Variants in NFIX observed in about 807,000 individuals in gnomAD.
The protein encoded by NFIX is nuclear factor 1 X-type.
In NFIX, 2 loss-of-function variants were observed where a neutral mutation model predicts 53.3. The observed-to-expected ratio is 0.04, with a 90% CI of 0.02 to 0.12. The LOEUF (loss-of-function observed/expected upper bound fraction) is 0.12. Ranked by LOEUF, NFIX falls within the 10% of genes least tolerant of loss-of-function variation. The pLI, the probability that NFIX is intolerant of heterozygous loss-of-function variation, is 1.00. For synonymous variants in NFIX, 244 were observed against 289.0 expected, an observed-to-expected ratio of 0.84 and a Z score of 1.58; for missense variants, 310 against 674.5, an observed-to-expected ratio of 0.46 and a Z score of 5.99.
intron 2 of NFIX, among the ~76,000 whole-genome samples, chr19:13,029,342 T>A (rs1014814878): frequency 2.6e-5 from 4 of 152,206 alleles, no homozygotes; most frequent in Admixed American, 6.5e-5. Context: ...TTTTTTAGTA[T>A]CATCAGATAC....
At chr19:13,024,605 C>T (rs1272549267) in intron 1 of NFIX, 2 of 1,536,210 alleles carry the variant, frequency 1.3e-6, no homozygotes, top group South Asian at 2.4e-5. Context: ...CCGGGGCGAG[C>T]TGACAGGAGT....
Position 13,006,065 on chromosome 19 carries a change from CTGCAAAGA to C in NFIX, c.27+10205_27+10212del, listed in dbSNP as rs1309914886. Among the ~76,000 whole-genome samples, 45 of 152,214 alleles carry C rather than the reference CTGCAAAGA, an allele frequency of 3.0e-4. No individual in the cohort carries two copies. The highest frequency in any genetic ancestry group is 2.9e-3 in the Admixed American group (45 of 15,278). ...CCGGGGGCTCGGCAGGGAGCAAAATCTGCAAAGATGCCAGCCCCGGTGGGAGGGCAGAC... is the reference window on the plus strand; with the variant it reads ...CCGGGGGCTCGGCAGGGAGCAAAATCTGCCAGCCCCGGTGGGAGGGCAGAC... On this transcript the variant is annotated intron_variant, in intron 1 of 10. Transcript: ENST00000592199. This position sits in a 1 kb window ranked among gnomAD's most constrained non-coding sequence, Gnocchi z 5.6.
At chr19:13,017,681 G>GGTGA (rs1225170574) in intron 1 of NFIX, among the ~76,000 whole-genome samples, 1 of 152,202 alleles carries the variant, frequency 6.6e-6, no homozygotes, top group Non-Finnish European at 1.5e-5. Context: ...TGGTGCCTGG[G>GGTGA]GTGAGTTTTC....
chr19:13,014,224 CG>C lies in NFIX; in HGVS notation c.28-10795del, dbSNP rs2012533587. On this transcript the variant is annotated intron_variant, in intron 1 of 10. Coordinates refer to ENST00000592199, the MANE Select transcript of NFIX (RefSeq NM_001365902.3). The surrounding 1 kb of genome is among the most constrained non-coding windows in gnomAD (Gnocchi z 4.4). ...TTCTCACCCGCCGTTCCCTCCGCTC[CG>C]GTCTGATTCGCAAATCCCCAAACTG... 2 of 152,158 alleles carry C rather than the reference CG, an allele frequency of 1.3e-5. No individual in the cohort carries two copies. The highest frequency in any genetic ancestry group is 2.9e-5 in the Non-Finnish European group (2 of 68,032). The allele number at this position is 152,158 out of a possible 1,614,324, so 9.4% of individuals were successfully genotyped here.
intron 1 of NFIX, chr19:13,024,777 C>T: frequency 6.7e-7 from 1 of 1,496,224 alleles, no homozygotes; most frequent in Non-Finnish European, 9.0e-7. Flanking sequence ...CCCGGTGCCT[C>T]TGTCTGGCTG....
chr19:13,090,404 C>T lies in NFIX; in HGVS notation c.1494+14C>T. On this transcript the variant is annotated intron_variant, in intron 10 of 10. Coordinates refer to ENST00000592199, the MANE Select transcript of NFIX (RefSeq NM_001365902.3). The surrounding 1 kb of genome is among the most constrained non-coding windows in gnomAD (Gnocchi z 6.6). ...CAGCAGTCTCAGGTAGGAGACCCTG[C>T]CCACCACCTGGATGCAGGGACCAGG... The T allele has an allele frequency of 6.2e-7, 1 of 1,610,928 alleles. No individual in the cohort carries two copies. The highest frequency in any genetic ancestry group is 2.2e-5 in the East Asian group (1 of 44,848).
chr19:13,041,958 C>T (rs769479063), intron 2 of NFIX, among the ~76,000 whole-genome samples: 5 of 151,966 alleles, frequency 3.3e-5, no homozygotes, highest in Non-Finnish European at 4.4e-5. Context: ...AGTGCAGTGG[C>T]GCAATCTCAG....
At chr19:13,058,524 C>T (rs967979539) in intron 2 of NFIX, among the ~76,000 whole-genome samples, 1 of 149,210 alleles carries the variant, frequency 6.7e-6, no homozygotes, top group South Asian at 2.1e-4. Flanking sequence ...ACCTGTGGTC[C>T]CAGCTACTTG....
In NFIX at chr19:13,024,184, G is replaced by C. The variant is rs181613024; in HGVS notation, c.28-837G>C. Reference sequence around the variant, plus strand: ...CTGTCACCTGACTGAGTGGGAAAAAGGGTGAAGGGGTTGTGGGAGGCTGGG... The same window carrying C: ...CTGTCACCTGACTGAGTGGGAAAAACGGTGAAGGGGTTGTGGGAGGCTGGG... On this transcript the variant is annotated intron_variant, in intron 1 of 10. Coordinates refer to ENST00000592199, the MANE Select transcript of NFIX (RefSeq NM_001365902.3). 330 of 700,180 alleles carry C rather than the reference G, an allele frequency of 4.7e-4. 1 individual carries two copies. In the African/African-American group the frequency reaches 5.5e-3, roughly 12 times the overall value. The allele number at this position is 700,180 out of a possible 1,614,324, so 43.4% of individuals were successfully genotyped here.
Position 13,000,109 on chromosome 19 carries a change from C to T in NFIX, c.27+4245C>T, listed in dbSNP as rs774314180. ...AGCTCCCAGACGGAGGCTGCGGGAG[C>T]GGAGTCAAGGGCTAGGCTTTGCCGT... On this transcript the variant is annotated intron_variant, in intron 1 of 10. Coordinates refer to ENST00000592199, the MANE Select transcript of NFIX (RefSeq NM_001365902.3). Among the ~76,000 whole-genome samples the T allele has an allele frequency of 9.3e-4, 142 of 152,308 alleles. No individual in the cohort carries two copies. In the Middle Eastern group the frequency reaches 0.01, roughly 11 times the overall value.
At chr19:13,091,012 C>G (rs1294479235) in intron 10 of NFIX, among the ~76,000 whole-genome samples, 1 of 152,114 alleles carries the variant, frequency 6.6e-6, no homozygotes, top group Non-Finnish European at 1.5e-5. Flanking sequence ...GAGACAGATC[C>G]CCGTCACAAG....
chr19:13,013,362 C>A lies in NFIX; in HGVS notation c.28-11659C>A, dbSNP rs1377483609. ...GCAGCCCCCGAGCATTCAGAGAAAG[C>A]CGCCCGTCCCCAGTCCCCTCGGAAG... is the stretch of plus-strand genomic sequence containing the variant. On this transcript the variant is annotated intron_variant, in intron 1 of 10. Transcript: ENST00000592199. This position sits in a 1 kb window ranked among gnomAD's most constrained non-coding sequence, Gnocchi z 5.9. 6.6e-6 allele frequency among the ~76,000 whole-genome samples: 1 copy of A among 152,186 alleles called. No individual in the cohort carries two copies. The highest frequency in any genetic ancestry group is 2.4e-5 in the African/African-American group (1 of 41,448).
At position 13,025,246 on chromosome 19, in the gene NFIX, C is replaced by G; in HGVS notation, c.253C>G (p.Pro85Ala). ...GGCCAAGCTGCGCAAGGACATCCGG[C>G]CCGAGTTCCGCGAGGACTTCGTGCT... is the stretch of plus-strand genomic sequence containing the variant. The part of the protein sequence containing the change: ...LLAKLRKDIR[P>A]EFREDFVLTI... Residue 85 changes from proline (P) to alanine (A), a missense_variant, in exon 2 of 11, where the codon CCC (proline) becomes GCC (alanine). Pro to Ala is a conservative substitution (Grantham distance 27). Coordinates refer to ENST00000592199, the MANE Select transcript of NFIX (RefSeq NM_001365902.3). The surrounding 1 kb of genome is among the most constrained non-coding windows in gnomAD (Gnocchi z 7.5). 1 of 1,614,122 alleles carries G rather than the reference C, an allele frequency of 6.2e-7. No individual in the cohort carries two copies. Among genetic ancestry groups the G allele is most frequent in the Non-Finnish European group, 8.5e-7 (1 of 1,179,980 alleles).
chr19:13,083,061 T>A (rs993398590), intron 8 of NFIX, among the ~76,000 whole-genome samples: 1 of 152,184 alleles, frequency 6.6e-6, no homozygotes, highest in Non-Finnish European at 1.5e-5. Flanking sequence ...TTCCTCCTCG[T>A]CTCCCTTCTC....
intron 7 of NFIX, among the ~76,000 whole-genome samples, chr19:13,079,848 C>A (rs1471212546): frequency 6.6e-6 from 1 of 152,194 alleles, no homozygotes; most frequent in African/African-American, 2.4e-5. Context: ...AGAGCTGGGG[C>A]CTGCTCTGGG....
At chr19:13,019,761 CAA>C (rs1599728993) in intron 1 of NFIX, among the ~76,000 whole-genome samples, 1 of 142,696 alleles carries the variant, frequency 7.0e-6, no homozygotes, top group East Asian at 2.0e-4. Flanking sequence ...AAATAGTACT[CAA>C]CAATAAAAGA....
Position 13,067,425 on chromosome 19 carries a change from G to T in NFIX, c.560-5622G>T, listed in dbSNP as rs1374644992. Among the ~76,000 whole-genome samples, 2 of 152,054 alleles carry T rather than the reference G, an allele frequency of 1.3e-5. No homozygotes were observed. Among genetic ancestry groups the T allele is most frequent in the Non-Finnish European group, 2.9e-5 (2 of 67,996 alleles). On this transcript the variant is annotated intron_variant, in intron 2 of 10. Coordinates refer to ENST00000592199, the MANE Select transcript of NFIX (RefSeq NM_001365902.3). The surrounding 1 kb of genome is among the most constrained non-coding windows in gnomAD (Gnocchi z 4.2). ...CATCTCACTCCACCCTTTCTGGACG[G>T]CAAGAAGTGGTTAGTGGCACCTCCG... is the stretch of plus-strand genomic sequence containing the variant.
rs916254923 is a variant in NFIX at position 13,051,616 on chromosome 19, C to G, written c.560-21431C>G. The stretch of plus-strand genomic sequence containing the variant: ...TTCGGGGAGGAGACAGCCTCTCAGG[C>G]GAGTGAGCTCTAGAGGCCCTTCCTC... On this transcript the variant is annotated intron_variant, in intron 2 of 10. Transcript: ENST00000592199. This position sits in a 1 kb window ranked among gnomAD's most constrained non-coding sequence, Gnocchi z 5.1. 6.6e-6 allele frequency among the ~76,000 whole-genome samples: 1 copy of G among 152,168 alleles called. No homozygotes were observed. Among genetic ancestry groups the G allele is most frequent in the Non-Finnish European group, 1.5e-5 (1 of 68,022 alleles).
At chr19:13,024,785 C>CTGCTGAG in intron 1 of NFIX, 1 of 1,464,700 alleles carries the variant, frequency 6.8e-7, no homozygotes. Flanking sequence ...CTCTGTCTGG[C>CTGCTGAG]TGCTGAGGCT....
Sources: allele counts gnomAD v4.1 joint callset (sites outside exome capture counted in the v4.1 genomes callset), GRCh38; gene constraint gnomAD v4.1.1; non-coding constraint Gnocchi (gnomAD v3.1); transcripts MANE v1.5; gene names NCBI Gene and HGNC (gene_info 2026-07-23, HGNC 2026-07-21).